Variants in ESRRB observed in about 807,000 individuals in gnomAD.
ESRRB encodes the protein estrogen related receptor beta, also known as steroid hormone receptor ERR2.
Under a neutral mutation model 46.0 loss-of-function variants are expected in ESRRB, and 16 were observed. The observed-to-expected ratio is 0.35, with a 90% CI of 0.24 to 0.53. The LOEUF is 0.53. Ranked by LOEUF, ESRRB falls within the 20% of genes least tolerant of loss-of-function variation. The pLI is 0.93. For missense variants in ESRRB, 488 were observed against 607.4 expected (o/e 0.80, Z 2.07); for synonymous variants, 246 against 259.6 (o/e 0.95, Z 0.50).
Position 76,498,685 on chromosome 14 carries a change from T to C in ESRRB, c.*227T>C. 6.8e-7 allele frequency: 1 copy of C among 1,464,682 alleles called. No homozygotes were observed. Among genetic ancestry groups the C allele is most frequent in the Non-Finnish European group, 9.4e-7 (1 of 1,062,510 alleles). 90.7% of individuals were successfully genotyped at this position (1,464,682 alleles called of 1,614,324 possible). On this transcript the variant is annotated 3_prime_UTR_variant, in exon 7 of 7. Transcript: ENST00000644823. ...TGTGGGGCTCGACTGTAACTGGCTTTTTCTTTGGTATGTCTTTCCTTCTCC... is the reference window on the plus strand; with the variant it reads ...TGTGGGGCTCGACTGTAACTGGCTTCTTCTTTGGTATGTCTTTCCTTCTCC...
chr14:76,383,385 G>C (rs1258866943), intron 1 of ESRRB, among the ~76,000 whole-genome samples: 1 of 151,712 alleles, frequency 6.6e-6, no homozygotes, highest in Non-Finnish European at 1.5e-5. Context: ...CTTTAAAAAT[G>C]ATGCCTGATA....
Position 76,455,308 on chromosome 14 carries a change from A to T in ESRRB, c.461-7237A>T, listed in dbSNP as rs184330946. On this transcript the variant is annotated intron_variant, in intron 2 of 6. Transcript: ENST00000644823. Reference sequence around the variant, plus strand: ...CACTCTAATTCAGAGTTAACCATTTAAAAAAAACTCTCTTCTATCATTTAG... The same window carrying T: ...CACTCTAATTCAGAGTTAACCATTTTAAAAAAACTCTCTTCTATCATTTAG... 5.3e-4 allele frequency among the ~76,000 whole-genome samples: 81 copies of T among 152,016 alleles called. 1 individual carries two copies. The highest frequency in any genetic ancestry group is 1.9e-3 in the African/African-American group (79 of 41,456).
intron 1 of ESRRB, among the ~76,000 whole-genome samples, chr14:76,344,566 C>T (rs1884227028): frequency 1.3e-5 from 2 of 152,144 alleles, no homozygotes; most frequent in Admixed American, 1.3e-4. Context: ...ATAATAGTCT[C>T]CAGGCTGGGC....
chr14:76,422,758 G>A (rs779520860), intron 1 of ESRRB, among the ~76,000 whole-genome samples: 14 of 152,212 alleles, frequency 9.2e-5, no homozygotes, highest in Non-Finnish European at 1.8e-4. Flanking sequence ...AAGTCCTAGA[G>A]AGGTCAGGCA....
intron 1 of ESRRB, among the ~76,000 whole-genome samples, chr14:76,335,545 C>G (rs1438438535): frequency 3.3e-5 from 5 of 152,198 alleles, no homozygotes. Flanking sequence ...CAGACATGGT[C>G]CCTGCTTTCA....
chr14:76,356,281 C>T (rs767027620), intron 1 of ESRRB, among the ~76,000 whole-genome samples: 2 of 152,306 alleles, frequency 1.3e-5, no homozygotes, highest in South Asian at 2.1e-4. Flanking sequence ...GCATTGACTC[C>T]TACATTGTGG....
chr14:76,315,057 A>T (rs1331258011), intron 1 of ESRRB, among the ~76,000 whole-genome samples: 1 of 151,714 alleles, frequency 6.6e-6, no homozygotes, highest in East Asian at 1.9e-4. Flanking sequence ...CTTTTTTTCT[A>T]CAGCATCCCC....
intron 5 of ESRRB, among the ~76,000 whole-genome samples, chr14:76,483,491 T>C (rs1889888367): frequency 6.6e-6 from 1 of 152,212 alleles, no homozygotes. Flanking sequence ...TGTTTCAGGC[T>C]GTGTGGACTT....
rs1031969900 is a variant in ESRRB at position 76,384,248 on chromosome 14, G to A, written c.50+7797G>A. 2.0e-5 allele frequency among the ~76,000 whole-genome samples: 3 copies of A among 152,154 alleles called. No homozygotes were observed. The South Asian group carries it at 6.2e-4, about 32-fold the overall frequency. On this transcript the variant is annotated intron_variant, in intron 1 of 6. Coordinates refer to ENST00000644823, the MANE Select transcript of ESRRB (RefSeq NM_001379180.1). ...TCAAGCTAACAAGCTTTGGCAGAAA[G>A]AACACTGCTTTTACAGAAATAGTAG...
chr14:76,499,173 T>G lies in ESRRB; in HGVS notation c.*715T>G. ...CTCCCCCCGGGAGTCCCCCGCTACTTCCTGACCCTACCTCAGAGCTCACTC... is the reference window on the plus strand; with the variant it reads ...CTCCCCCCGGGAGTCCCCCGCTACTGCCTGACCCTACCTCAGAGCTCACTC... On this transcript the variant is annotated 3_prime_UTR_variant, in exon 7 of 7. Coordinates refer to ENST00000644823, the MANE Select transcript of ESRRB (RefSeq NM_001379180.1). 3.3e-6 allele frequency: 1 copy of G among 300,028 alleles called. No individual in the cohort carries two copies. Among genetic ancestry groups the G allele is most frequent in the Non-Finnish European group, 6.5e-6 (1 of 154,188 alleles). The allele number at this position is 300,028 out of a possible 1,614,324, so 18.6% of individuals were successfully genotyped here.
chr14:76,445,601 T>C (rs930572528), intron 2 of ESRRB, among the ~76,000 whole-genome samples: 2 of 151,454 alleles, frequency 1.3e-5, no homozygotes, highest in Non-Finnish European at 2.9e-5. Flanking sequence ...TGTACTAATA[T>C]GGGAAGAAAT....
Position 76,500,332 on chromosome 14 carries a change from T to A in ESRRB, c.*1874T>A. 1 of 588,006 alleles carries A rather than the reference T, an allele frequency of 1.7e-6. No homozygotes were observed. The highest frequency in any genetic ancestry group is 1.9e-5 in the African/African-American group (1 of 53,846). The allele number at this position is 588,006 out of a possible 1,614,324, so 36.4% of individuals were successfully genotyped here. ...GGGGAATCGGGTCTGAGTCACTTGATGAGTAGGCACTGGAGCCGTTACCCA... is the reference window on the plus strand; with the variant it reads ...GGGGAATCGGGTCTGAGTCACTTGAAGAGTAGGCACTGGAGCCGTTACCCA... On this transcript the variant is annotated 3_prime_UTR_variant, in exon 7 of 7. Transcript: ENST00000644823.
At chr14:76,332,799 ATATATT>A (rs1339094612) in intron 1 of ESRRB, among the ~76,000 whole-genome samples, 3 of 7,716 alleles carry the variant, frequency 3.9e-4, no homozygotes, top group Non-Finnish European at 4.9e-4. Flanking sequence ...TAAATATATA[ATATATT>A]TATATATTAT....
At chr14:76,462,401 A>G (rs1888904547) in intron 2 of ESRRB, 144 bp from the exon 3 acceptor site, 1 of 664,466 alleles carries the variant, frequency 1.5e-6, no homozygotes, top group Non-Finnish European at 2.7e-6. Flanking sequence ...TGTTCTGACA[A>G]GCACCTCAGA....
chr14:76,483,335 G>A (rs1420464599), intron 5 of ESRRB, among the ~76,000 whole-genome samples: 1 of 152,234 alleles, frequency 6.6e-6, no homozygotes, highest in African/African-American at 2.4e-5. Flanking sequence ...GATCCTGTGT[G>A]TGAAGTGTTC....
At chr14:76,468,141 T>C (rs886984022) in intron 3 of ESRRB, among the ~76,000 whole-genome samples, 1 of 152,206 alleles carries the variant, frequency 6.6e-6, no homozygotes, top group East Asian at 1.9e-4. Flanking sequence ...TGGGATTTAA[T>C]GGCCTTGTAT....
chr14:76,368,584 C>A (rs1457972725), upstream of ESRRB, among the ~76,000 whole-genome samples: 1 of 152,034 alleles, frequency 6.6e-6, no homozygotes, highest in African/African-American at 2.4e-5. Flanking sequence ...GTGGTGACTG[C>A]CTTTTACCCA....
intron 2 of ESRRB, among the ~76,000 whole-genome samples, chr14:76,454,465 C>T (rs1888519882): frequency 6.6e-6 from 1 of 152,094 alleles, no homozygotes. Context: ...ACATGCGAGC[C>T]TATCTGGGGC....
intron 1 of ESRRB, among the ~76,000 whole-genome samples, chr14:76,354,422 C>T (rs1021674568): frequency 6.6e-6 from 1 of 152,096 alleles, no homozygotes; most frequent in Non-Finnish European, 1.5e-5. Context: ...CACATAGCAG[C>T]AGCCTTTTTC....
Sources: gnomAD v4.1 joint callset for allele counts (sites outside exome capture counted in the v4.1 genomes callset) on GRCh38, gnomAD v4.1.1 for gene constraint, MANE v1.5 for transcripts, NCBI Gene and HGNC (gene_info 2026-07-23, HGNC 2026-07-21) for gene names.